The following ASTN1 variants were observed in gnomAD, a reference collection of about 807,000 sequenced individuals.
ASTN1 encodes astrotactin-1.
ASTN1 carries 41 observed loss-of-function variants against 140.7 expected under a neutral mutation model. That is an observed-to-expected ratio of 0.29 (90% CI 0.23 to 0.38). The LOEUF (loss-of-function observed/expected upper bound fraction) is 0.38. Ranked by LOEUF, ASTN1 falls within the 10% of genes least tolerant of loss-of-function variation. The pLI, the probability that ASTN1 is intolerant of heterozygous loss-of-function variation, is 1.00. For synonymous variants in ASTN1, 640 were observed against 652.2 expected (o/e 0.98, Z 0.29); for missense variants, 1,479 against 1,678.8 (o/e 0.88, Z 2.08).
At chr1:176,983,480 A>C (rs989652451) in intron 8 of ASTN1, among the ~76,000 whole-genome samples, 1 of 152,310 alleles carries the variant, frequency 6.6e-6, no homozygotes, top group African/African-American at 2.4e-5. Context: ...ATTTATGGAC[A>C]TATTTTCCCC....
chr1:177,067,002 C>T (rs1372070364), intron 1 of ASTN1, among the ~76,000 whole-genome samples: 1 of 152,026 alleles, frequency 6.6e-6, no homozygotes, highest in African/African-American at 2.4e-5. Context: ...GGTTGACACT[C>T]CCTGATGGCT....
In ASTN1 at chr1:177,086,258, T is replaced by C. The variant is rs1257079697; in HGVS notation, c.284-24993A>G. 3.1e-5 allele frequency among the ~76,000 whole-genome samples: 3 copies of C among 97,862 alleles called. No homozygotes were observed. The East Asian group carries it at 9.7e-4, about 32-fold the overall frequency. 64.2% of individuals were successfully genotyped at this position (97,862 alleles called of 152,430 possible). ...CTCTTTCTTGTCTCTCTAGTGGCAC[T>C]TTCTCTGTAGTGTCATGAATCCATT... On this transcript the variant is annotated intron_variant, in intron 1 of 22. Transcript: ENST00000361833.
intron 8 of ASTN1, among the ~76,000 whole-genome samples, chr1:177,013,875 AG>A: frequency 6.6e-6 from 1 of 152,280 alleles, no homozygotes; most frequent in East Asian, 1.9e-4. Flanking sequence ...GAAACTAAAA[AG>A]TTGCTTTTAA....
chr1:176,946,100 A>C lies in ASTN1; in HGVS notation c.2075T>G (p.Leu692Arg). Residue 692 changes from leucine to arginine, a missense_variant, in exon 13 of 23, where the codon CTT (leucine) becomes CGT (arginine). Physicochemically the swap from Leu to Arg is moderately radical, Grantham distance 102. Transcript: ENST00000361833. The part of the protein sequence containing the change: ...MFCGCIEDYK[L>R]GVDGRSCQLI... ...TTGGCAAGAGCGTCCATCCACACCA[A>C]GCTTGTAGTCCTCGATGCACCTAGC... 6.2e-7 allele frequency: 1 copy of C among 1,612,208 alleles called. No homozygotes were observed. Among genetic ancestry groups the C allele is most frequent in the Admixed American group, 1.7e-5 (1 of 59,952 alleles).
intron 1 of ASTN1, among the ~76,000 whole-genome samples, chr1:177,108,647 CT>C (rs1680668836): frequency 6.6e-6 from 1 of 152,094 alleles, no homozygotes. Context: ...TTGCTTCCAC[CT>C]TTTGGTTATT....
At chr1:177,037,843 T>A (rs1676796913) in intron 2 of ASTN1, among the ~76,000 whole-genome samples, 1 of 152,232 alleles carries the variant, frequency 6.6e-6, no homozygotes, top group South Asian at 2.1e-4. Context: ...ATGTGGCATT[T>A]TAAAATACAT....
At chr1:177,084,659 C>T (rs906371445) in intron 1 of ASTN1, among the ~76,000 whole-genome samples, 1 of 152,056 alleles carries the variant, frequency 6.6e-6, no homozygotes, top group Non-Finnish European at 1.5e-5. Flanking sequence ...TGCTACCTCC[C>T]GTGATTTTGC....
chr1:176,876,591 T>C lies in ASTN1; in HGVS notation c.3409A>G (p.Ser1137Gly). 1 of 1,614,170 alleles carries C rather than the reference T, an allele frequency of 6.2e-7. No individual in the cohort carries two copies. Among genetic ancestry groups the C allele is most frequent in the Non-Finnish European group, 8.5e-7 (1 of 1,180,012 alleles). ...VDNTGRRSRP[S>G]DVIVKTPCPV... ...CATGGGGTCTTCACGATCACGTCGC[T>C]TGGCCTGGAGCGCCGTCCTGTGTTG... The change falls in exon 21 of 23, where the codon AGC becomes GGC. Residue 1137 changes from serine to glycine, a missense_variant. By Grantham distance (56) the Ser-to-Gly change is moderately conservative (BLOSUM62 0). Transcript: ENST00000361833.
chr1:177,124,777 C>G (rs1037344923), intron 1 of ASTN1, among the ~76,000 whole-genome samples: 3 of 152,102 alleles, frequency 2.0e-5, no homozygotes, highest in African/African-American at 7.2e-5. Context: ...AAGTTAGCAC[C>G]ACTAAAAGGG....
intron 1 of ASTN1, among the ~76,000 whole-genome samples, chr1:177,084,977 T>C (rs1029220964): frequency 1.5e-4 from 23 of 152,162 alleles, no homozygotes; most frequent in African/African-American, 5.1e-4. Context: ...AACTTCTAAC[T>C]GGACCAAGAG....
At chr1:176,991,436 C>CAAAAAAAAAAAAAAAAAAAAAAA (rs1173420812) in intron 8 of ASTN1, among the ~76,000 whole-genome samples, 6 of 13,816 alleles carry the variant, frequency 4.3e-4, no homozygotes, top group Non-Finnish European at 6.2e-4. Flanking sequence ...AAAAAAAAAC[C>CAAAAAAAAAAAAAAAAAAAAAAA]AAAAAAAAAA....
chr1:177,061,425 C>A (rs1395372269), intron 1 of ASTN1, among the ~76,000 whole-genome samples, 160 bp from the exon 2 acceptor site: 1 of 152,212 alleles, frequency 6.6e-6, no homozygotes, highest in Non-Finnish European at 1.5e-5. Context: ...CTCCAAACCA[C>A]AAGGAAGAGG....
intron 20 of ASTN1, among the ~76,000 whole-genome samples, chr1:176,877,911 G>A (rs1030465606): frequency 1.3e-5 from 2 of 152,106 alleles, no homozygotes; most frequent in African/African-American, 2.4e-5. Context: ...AAGTAGAAAA[G>A]ATATAGATAA....
chr1:176,991,310 G>A (rs1331492623), intron 8 of ASTN1, among the ~76,000 whole-genome samples: 3 of 151,870 alleles, frequency 2.0e-5, no homozygotes, highest in Non-Finnish European at 4.4e-5. Flanking sequence ...CTACTCAGGA[G>A]GCTGAGGCAG....
intron 17 of ASTN1, among the ~76,000 whole-genome samples, chr1:176,889,479 GA>G (rs1448191732): frequency 6.6e-6 from 1 of 151,918 alleles, no homozygotes; most frequent in African/African-American, 2.4e-5. Flanking sequence ...AAAGAAAAAA[GA>G]AAAAAGAAAA....
At chr1:176,882,571 T>C (rs1025480221) in intron 20 of ASTN1, among the ~76,000 whole-genome samples, 1 of 152,128 alleles carries the variant, frequency 6.6e-6, no homozygotes, top group Non-Finnish European at 1.5e-5. Context: ...TTTTTGCTTT[T>C]CTATCTACAT....
At chr1:177,154,477 G>A (rs1270888529) in intron 1 of ASTN1, among the ~76,000 whole-genome samples, 16 of 152,100 alleles carry the variant, frequency 1.1e-4, no homozygotes, top group Non-Finnish European at 1.5e-5. Context: ...GGCAGAACTC[G>A]AATATTACCG....
chr1:176,926,294 A>G (rs1670969330), intron 16 of ASTN1, among the ~76,000 whole-genome samples: 1 of 152,154 alleles, frequency 6.6e-6, no homozygotes. Flanking sequence ...TGCTCAAAAA[A>G]AAAAAAAAAA....
intron 16 of ASTN1, among the ~76,000 whole-genome samples, chr1:176,912,680 C>A (rs1256522573): frequency 6.6e-6 from 1 of 152,100 alleles, no homozygotes; most frequent in Non-Finnish European, 1.5e-5. Context: ...TTTCTTTTAA[C>A]CACTAAGCTA....
Sources: allele counts gnomAD v4.1 joint callset (sites outside exome capture counted in the v4.1 genomes callset), GRCh38; gene constraint gnomAD v4.1.1; transcripts MANE v1.5; gene names NCBI Gene and HGNC (gene_info 2026-07-23, HGNC 2026-07-21).